The following RAD9B variants were observed in gnomAD, a reference collection of about 807,000 sequenced individuals.
RAD9B encodes cell cycle checkpoint control protein RAD9B.
Under a neutral mutation model 48.3 loss-of-function variants are expected in RAD9B, and 41 were observed. The ratio of observed to expected loss-of-function variants is 0.85; its 90% CI spans 0.66 to 1.10. RAD9B has a LOEUF of 1.10. RAD9B is among the 50% of genes least tolerant of loss of function. RAD9B has a pLI of 0.00. For missense variants in RAD9B, 444 were observed against 485.1 expected, an observed-to-expected ratio of 0.92 and a Z score of 0.80; for synonymous variants, 160 against 157.9, an observed-to-expected ratio of 1.01 and a Z score of -0.10.
At chr12:110,523,669 C>T (rs1430268908) in intron 10 of RAD9B, among the ~76,000 whole-genome samples, 1 of 152,104 alleles carries the variant, frequency 6.6e-6, no homozygotes, top group Non-Finnish European at 1.5e-5. Context: ...ACATATTGTA[C>T]TTACTTTTTC....
chr12:110,530,270 C>T (rs1188021845), intron 10 of RAD9B, among the ~76,000 whole-genome samples: 2 of 152,124 alleles, frequency 1.3e-5, no homozygotes, highest in Non-Finnish European at 2.9e-5. Context: ...TGGTCTCGAT[C>T]TCCTGACCTC....
chr12:110,509,616 C>T lies in RAD9B; in HGVS notation c.388+2923C>T, dbSNP rs1565882038. On this transcript the variant is annotated intron_variant, in intron 4 of 10. Coordinates refer to ENST00000409300, the MANE Select transcript of RAD9B (RefSeq NM_001286535.2). ...ATGAAGGAGAAGTGTGAAAAAATAC[C>T]GGTTGAGGGTGTCTAGTGTGTGCTT... is the stretch of plus-strand genomic sequence containing the variant. Among the ~76,000 whole-genome samples the T allele has an allele frequency of 1.3e-5, 2 of 151,998 alleles. 1 individual carries two copies. Among genetic ancestry groups the T allele is most frequent in the South Asian group, 4.1e-4 (2 of 4,828 alleles).
At chr12:110,505,822 A>G (rs752230964) in intron 3 of RAD9B, 50 bp downstream of exon 3, 15 of 1,429,760 alleles carry the variant, frequency 1.0e-5, no homozygotes, top group Non-Finnish European at 1.5e-5. Flanking sequence ...AATATTCATT[A>G]TATAGGACAT....
chr12:110,502,524 C>T, intron 1 of RAD9B, 141 bp downstream of exon 1: 1 of 906,860 alleles, frequency 1.1e-6, no homozygotes, highest in South Asian at 1.6e-5. Flanking sequence ...GCCCCACCCA[C>T]TCAAGTCCCT....
In RAD9B at chr12:110,531,767, C is replaced by A; in HGVS notation, c.*1114C>A. On this transcript the variant is annotated 3_prime_UTR_variant, in exon 11 of 11. Transcript: ENST00000409300. Reference sequence around the variant, plus strand: ...ATGGACTAAAAAATCTGGCACAAAACATTGTTATGTAATGTCTTATGATGT... The same window carrying A: ...ATGGACTAAAAAATCTGGCACAAAAAATTGTTATGTAATGTCTTATGATGT... The A allele has an allele frequency of 1.3e-6, 1 of 760,906 alleles. No individual in the cohort carries two copies. Among genetic ancestry groups the A allele is most frequent in the Non-Finnish European group, 2.1e-6 (1 of 466,560 alleles). The allele number at this position is 760,906 out of a possible 1,614,324, so 47.1% of individuals were successfully genotyped here.
chr12:110,505,440 T>C (rs554780496), intron 2 of RAD9B, among the ~76,000 whole-genome samples, 177 bp from the exon 3 acceptor site: 11 of 152,292 alleles, frequency 7.2e-5, no homozygotes, highest in African/African-American at 2.6e-4. Flanking sequence ...TATTTTCTCC[T>C]AAATTTTTTT....
Position 110,503,866 on chromosome 12 carries a change from C to A in RAD9B, c.107C>A (p.Ser36Tyr). Residue 36 changes from serine (S) to tyrosine (Y), a missense_variant, in exon 2 of 11, where the codon TCT becomes TAT. Ser to Tyr is a moderately radical substitution (Grantham distance 144, BLOSUM62 -2). Transcript: ENST00000409300. ...AGTGACGAGTTCTGGCTAGACCCATCTAAAAAAGGTGTAAGTAAGAAAGTT... is the reference window on the plus strand; with the variant it reads ...AGTGACGAGTTCTGGCTAGACCCATATAAAAAAGGTGTAAGTAAGAAAGTT... The part of the protein sequence containing the change: ...RISDEFWLDP[S>Y]KKGLALRCVN... 6.4e-7 allele frequency: 1 copy of A among 1,561,396 alleles called. No individual in the cohort carries two copies. Among genetic ancestry groups the A allele is most frequent in the East Asian group, 2.3e-5 (1 of 43,294 alleles).
chr12:110,523,073 G>T lies in RAD9B; in HGVS notation c.1125+662G>T, dbSNP rs575862758. On this transcript the variant is annotated intron_variant, in intron 10 of 10. Coordinates refer to ENST00000409300, the MANE Select transcript of RAD9B (RefSeq NM_001286535.2). ...GCTTGTTTTGCTGTTGTTATTGTTG[G>T]TTTGGAGATATGAGTTTCTTAGTTA... 1.8e-3 allele frequency among the ~76,000 whole-genome samples: 272 copies of T among 152,222 alleles called. 1 individual carries two copies. The highest frequency in any genetic ancestry group is 4.9e-3 in the African/African-American group (203 of 41,542).
chr12:110,519,857 T>C lies in RAD9B; in HGVS notation c.831T>C (p.Ala277=), dbSNP rs2063721922. The change falls in exon 9 of 11, where the codon GCT becomes GCC. Residue 277 remains alanine, a synonymous_variant. Transcript: ENST00000409300. The part of the protein sequence containing the change: ...VEANFILATL[A]DEQSRASSPQ... ...CTAACTTTATTTTGGCCACATTAGC[T>C]GATGAACAAAGTAGAGCATCTTCAC... is the stretch of plus-strand genomic sequence containing the variant. The C allele has an allele frequency of 6.2e-7, 1 of 1,613,302 alleles. No individual in the cohort carries two copies. Among genetic ancestry groups the C allele is most frequent in the Non-Finnish European group, 8.5e-7 (1 of 1,179,666 alleles).
chr12:110,507,351 A>G (rs1231456539), intron 4 of RAD9B, among the ~76,000 whole-genome samples: 1 of 145,336 alleles, frequency 6.9e-6, no homozygotes, highest in Non-Finnish European at 1.5e-5. Context: ...TGTATATTAT[A>G]TATATAATAT....
At chr12:110,506,939 A>G (rs2063292769) in intron 4 of RAD9B, among the ~76,000 whole-genome samples, 1 of 151,758 alleles carries the variant, frequency 6.6e-6, no homozygotes, top group Admixed American at 6.6e-5. Context: ...TCGTGGGTTC[A>G]AGCAGTTCTC....
intron 6 of RAD9B, among the ~76,000 whole-genome samples, chr12:110,516,692 C>T (rs1392729507): frequency 2.0e-5 from 3 of 151,882 alleles, no homozygotes; most frequent in Non-Finnish European, 4.4e-5. Flanking sequence ...CACCTATAGT[C>T]CCAGCTACTT....
chr12:110,516,498 C>T (rs1349663554), intron 6 of RAD9B, among the ~76,000 whole-genome samples: 1 of 152,052 alleles, frequency 6.6e-6, no homozygotes, highest in Non-Finnish European at 1.5e-5. Context: ...ATATTTAAGA[C>T]ATTGTTTGAT....
At position 110,522,634 on chromosome 12, in the gene RAD9B, C is replaced by A. The variant is rs569477195; in HGVS notation, c.1125+223C>A. On this transcript the variant is annotated intron_variant, in intron 10 of 10. Coordinates refer to ENST00000409300, the MANE Select transcript of RAD9B (RefSeq NM_001286535.2). ...ATAGAAAATAGTTAAATTGTTCAGT[C>A]AGTAATTTCTAACAAAGCATATTCA... Among the ~76,000 whole-genome samples, 6 of 152,314 alleles carry A rather than the reference C, an allele frequency of 3.9e-5. No homozygotes were observed. The East Asian group carries it at 9.6e-4, about 24-fold the overall frequency.
intron 10 of RAD9B, among the ~76,000 whole-genome samples, chr12:110,524,122 C>A (rs1222539965): frequency 6.6e-6 from 1 of 152,180 alleles, no homozygotes; most frequent in African/African-American, 2.4e-5. Context: ...CTCTCTCTTA[C>A]CACGTATTAA....
At chr12:110,523,460 T>C (rs1419629398) in intron 10 of RAD9B, among the ~76,000 whole-genome samples, 2 of 152,158 alleles carry the variant, frequency 1.3e-5, no homozygotes, top group East Asian at 1.9e-4. Flanking sequence ...TATTACGCTG[T>C]ATATGACTTT....
In RAD9B at chr12:110,518,673, C is replaced by A. The variant is rs201355507; in HGVS notation, c.596-3C>A. Reference sequence around the variant, plus strand: ...TTCTTTATTTTCCCATAATATTAAACAGATTTGAGCAATGCTGTACACAGT... The same window carrying A: ...TTCTTTATTTTCCCATAATATTAAAAAGATTTGAGCAATGCTGTACACAGT... On this transcript the variant is annotated splice_polypyrimidine_tract_variant and splice_region_variant and intron_variant, in intron 6 of 10. Coordinates refer to ENST00000409300, the MANE Select transcript of RAD9B (RefSeq NM_001286535.2). The A allele has an allele frequency of 9.0e-6, 14 of 1,557,160 alleles. No individual in the cohort carries two copies. Among genetic ancestry groups the A allele is most frequent in the Non-Finnish European group, 1.2e-5 (14 of 1,151,836 alleles).
intron 6 of RAD9B, among the ~76,000 whole-genome samples, chr12:110,518,253 A>G (rs1221027670): frequency 6.6e-6 from 1 of 151,868 alleles, no homozygotes; most frequent in African/African-American, 2.4e-5. Flanking sequence ...AGTCCCGGCT[A>G]TTCAGAAGAC....
chr12:110,522,827 T>C (rs1035884937), intron 10 of RAD9B, among the ~76,000 whole-genome samples: 1 of 152,236 alleles, frequency 6.6e-6, no homozygotes, highest in Non-Finnish European at 1.5e-5. Flanking sequence ...GTATTCATAA[T>C]AGTACAAACG....
Sources: gnomAD v4.1 joint callset for allele counts (sites outside exome capture counted in the v4.1 genomes callset) on GRCh38, gnomAD v4.1.1 for gene constraint, MANE v1.5 for transcripts, NCBI Gene and HGNC (gene_info 2026-07-23, HGNC 2026-07-21) for gene names.